KAZN: variants seen among roughly 807,000 people sequenced by gnomAD.
The protein encoded by KAZN is kazrin, periplakin interacting protein.
In KAZN, 40 loss-of-function variants were observed where a neutral mutation model predicts 87.4. The ratio of observed to expected loss-of-function variants is 0.46; its 90% CI spans 0.36 to 0.60. The LOEUF is 0.60. Ranked by LOEUF, KAZN falls within the 20% of genes least tolerant of loss-of-function variation. KAZN has a pLI of 0.00. For synonymous variants in KAZN, 466 were observed against 458.3 expected, an observed-to-expected ratio of 1.02 and a Z score of -0.22; for missense variants, 898 against 1,073.9, an observed-to-expected ratio of 0.84 and a Z score of 2.29.
rs1557652219 is a variant in KAZN at position 14,949,748 on chromosome 1, C to A, written c.227-10936C>A. On this transcript the variant is annotated intron_variant, in intron 1 of 14. Coordinates refer to ENST00000376030, the MANE Select transcript of KAZN (RefSeq NM_201628.3). This position sits in a 1 kb window ranked among gnomAD's most constrained non-coding sequence, Gnocchi z 4.3. ...GACATCCCTGCTTCTGAGCCTGTGA[C>A]TGTCACCCTTCCAGGACAGCGACAT... is the stretch of plus-strand genomic sequence containing the variant. Among the ~76,000 whole-genome samples, 1 of 152,172 alleles carries A rather than the reference C, an allele frequency of 6.6e-6. No individual in the cohort carries two copies. Among genetic ancestry groups the A allele is most frequent in the Non-Finnish European group, 1.5e-5 (1 of 68,044 alleles).
intron 1 of KAZN, among the ~76,000 whole-genome samples, chr1:14,877,279 C>T (rs1461756310): frequency 2.6e-5 from 4 of 152,168 alleles, no homozygotes; most frequent in Non-Finnish European, 4.4e-5. Context: ...GGGAAGATGA[C>T]CTCAAACATC....
intron 1 of KAZN, among the ~76,000 whole-genome samples, chr1:14,781,467 G>A (rs538451116): frequency 3.3e-5 from 5 of 152,322 alleles, no homozygotes; most frequent in Admixed American, 3.3e-4. Flanking sequence ...TTCAGAAGGG[G>A]ATATTTACAA....
chr1:14,126,571 T>G (rs1287451569), intron 1 of KAZN, among the ~76,000 whole-genome samples: 1 of 152,026 alleles, frequency 6.6e-6, no homozygotes, highest in Non-Finnish European at 1.5e-5. Flanking sequence ...AATTTTACAA[T>G]GACCTAATGA....
At chr1:15,105,659 C>G (rs1162458524) in intron 13 of KAZN, among the ~76,000 whole-genome samples, 50 of 151,930 alleles carry the variant, frequency 3.3e-4, no homozygotes, top group Admixed American at 3.3e-3. Context: ...GAGTCCTAAA[C>G]CCCTAAACCA....
intron 8 of KAZN, among the ~76,000 whole-genome samples, chr1:15,091,259 G>A (rs531127906): frequency 6.6e-6 from 1 of 151,958 alleles, no homozygotes; most frequent in East Asian, 1.9e-4. Context: ...ATACACACAC[G>A]TGTATATAAT....
intron 1 of KAZN, among the ~76,000 whole-genome samples, chr1:14,863,859 G>T (rs1008229525): frequency 6.6e-6 from 1 of 152,190 alleles, no homozygotes; most frequent in African/African-American, 2.4e-5. Flanking sequence ...GCAGGCCAAG[G>T]CACAGAGATC....
intron 2 of KAZN, among the ~76,000 whole-genome samples, chr1:14,292,183 T>C (rs1209615976): frequency 6.6e-6 from 1 of 152,250 alleles, no homozygotes; most frequent in East Asian, 1.9e-4. Context: ...TTTTGTCTGC[T>C]GACATTGCTC....
intron 2 of KAZN, among the ~76,000 whole-genome samples, chr1:14,985,137 A>T (rs1666657461): frequency 7.4e-6 from 1 of 135,902 alleles, no homozygotes; most frequent in Admixed American, 7.1e-5. Flanking sequence ...CTCTGTCTCA[A>T]AAAAAAAAAA....
In KAZN at chr1:14,572,110, G is replaced by A. The variant is rs548469590; in HGVS notation, c.250-26873G>A. On this transcript the variant is annotated intron_variant, in intron 2 of 16. Coordinates refer to the KAZN transcript ENST00000636203. ...GCCGCTCTGGGATCAGCCCTCAGGAGGCAGGCCAAGTCATTTTCATCATTT... is the reference window on the plus strand; with the variant it reads ...GCCGCTCTGGGATCAGCCCTCAGGAAGCAGGCCAAGTCATTTTCATCATTT... Among the ~76,000 whole-genome samples, 4 of 152,304 alleles carry A rather than the reference G, an allele frequency of 2.6e-5. No individual in the cohort carries two copies. The South Asian group carries it at 8.3e-4, about 32-fold the overall frequency.
At chr1:14,794,544 G>A (rs74833109) in intron 1 of KAZN, among the ~76,000 whole-genome samples, 8 of 152,298 alleles carry the variant, frequency 5.3e-5, no homozygotes, top group East Asian at 3.9e-4. Flanking sequence ...AGGAGGCAGC[G>A]GGGAGGCTGG....
At chr1:13,922,603 A>G (rs1463177319) in intron 1 of KAZN, among the ~76,000 whole-genome samples, 2 of 152,114 alleles carry the variant, frequency 1.3e-5, no homozygotes, top group Non-Finnish European at 2.9e-5. Flanking sequence ...CCTGAATGGG[A>G]AGGATGGGAA....
chr1:15,024,341 C>G (rs72868352), intron 2 of KAZN, among the ~76,000 whole-genome samples: 1 of 152,112 alleles, frequency 6.6e-6, no homozygotes, highest in Admixed American at 6.5e-5. Flanking sequence ...CATGGAAAAG[C>G]CAGAGCCGGT....
At chr1:14,007,427 C>T (rs531258716) in intron 1 of KAZN, among the ~76,000 whole-genome samples, 1 of 152,252 alleles carries the variant, frequency 6.6e-6, no homozygotes, top group East Asian at 1.9e-4. Flanking sequence ...CTATGGCCAG[C>T]TTCCTCCTGT....
At chr1:14,596,308 G>GCGCACACACACACACACA (rs1491581024), upstream of KAZN, among the ~76,000 whole-genome samples, 1 of 150,190 alleles carries the variant, frequency 6.7e-6, no homozygotes, top group African/African-American at 2.4e-5. Flanking sequence ...ACACGTGTGC[G>GCGCACACACACACACACA]CACACACACA....
intron 2 of KAZN, among the ~76,000 whole-genome samples, chr1:14,415,088 A>G (rs11578863): frequency 2.6e-5 from 4 of 152,200 alleles, no homozygotes; most frequent in Non-Finnish European, 5.9e-5. Flanking sequence ...CTTCAATTGT[A>G]TCTACAAAAC....
intron 1 of KAZN, among the ~76,000 whole-genome samples, chr1:14,601,321 A>C (rs951134254): frequency 6.6e-5 from 10 of 152,216 alleles, no homozygotes; most frequent in Non-Finnish European, 1.5e-4. Flanking sequence ...TATGCATTTC[A>C]ACAGATGTGA....
chr1:14,007,483 C>G (rs1165665868), intron 1 of KAZN, among the ~76,000 whole-genome samples: 1 of 152,168 alleles, frequency 6.6e-6, no homozygotes, highest in East Asian at 1.9e-4. Flanking sequence ...GCACACCCAG[C>G]TGGACAGGGT....
At chr1:14,444,549 G>T (rs1445092404) in intron 2 of KAZN, among the ~76,000 whole-genome samples, 1 of 152,008 alleles carries the variant, frequency 6.6e-6, no homozygotes, top group African/African-American at 2.4e-5. Context: ...CTAACCTCAG[G>T]TGATCTGCCC....
At chr1:14,168,847 G>C (rs1291815217) in intron 1 of KAZN, among the ~76,000 whole-genome samples, 1 of 152,122 alleles carries the variant, frequency 6.6e-6, no homozygotes, top group Admixed American at 6.5e-5. Context: ...TGGGTTGTGT[G>C]ACAAGGAAAT....
Sources: gnomAD v4.1 joint callset for allele counts (sites outside exome capture counted in the v4.1 genomes callset) on GRCh38, gnomAD v4.1.1 for gene constraint, Gnocchi (gnomAD v3.1) non-coding constraint, MANE v1.5 for transcripts, NCBI Gene and HGNC (gene_info 2026-07-23, HGNC 2026-07-21) for gene names.